SPCS2: variants seen among roughly 807,000 people sequenced by gnomAD.
SPCS2 encodes SPase 25 kDa subunit.
A neutral mutation model predicts 22.3 loss-of-function variants in SPCS2; 3 were observed. The observed-to-expected ratio is 0.13, with a 90% CI of 0.06 to 0.35. The LOEUF (loss-of-function observed/expected upper bound fraction) is 0.35, where lower values mean the gene tolerates loss of function less well. SPCS2 is among the 10% of genes least tolerant of loss of function. The pLI, the probability that SPCS2 is intolerant of heterozygous loss-of-function variation, is 1.00. For missense variants in SPCS2, 169 were observed against 280.9 expected (o/e 0.60, Z 2.85); for synonymous variants, 67 against 97.2 (o/e 0.69, Z 1.83).
chr11:74,952,489 T>C (rs1009616923), intron 1 of SPCS2, among the ~76,000 whole-genome samples: 1 of 152,178 alleles, frequency 6.6e-6, no homozygotes, highest in Admixed American at 6.5e-5. Context: ...ATTTTTATTT[T>C]TATTTTTGGT....
chr11:74,965,800 G>A lies in SPCS2; in HGVS notation c.236G>A (p.Gly79Asp). Residue 79 changes from glycine to aspartate, a missense_variant, in exon 3 of 5, where the codon GGT becomes GAT. Coordinates refer to ENST00000263672, the MANE Select transcript of SPCS2 (RefSeq NM_014752.3). ...AAATACAAATATGTGGAGAATTTTG[G>A]TCTAATTGATGGTCGCCTCACCATC... is the stretch of plus-strand genomic sequence containing the variant. ...LEKYKYVENF[G>D]LIDGRLTICT... The A allele has an allele frequency of 6.2e-7, 1 of 1,613,064 alleles. No individual in the cohort carries two copies. The highest frequency in any genetic ancestry group is 8.5e-7 in the Non-Finnish European group (1 of 1,179,360).
intron 4 of SPCS2, among the ~76,000 whole-genome samples, chr11:74,972,057 G>A (rs901667166): frequency 1.3e-5 from 2 of 151,754 alleles, no homozygotes; most frequent in Non-Finnish European, 2.9e-5. Context: ...TCTAAATTAG[G>A]TGGTCCTAGT....
At chr11:74,958,931 A>C (rs186834343) in intron 1 of SPCS2, among the ~76,000 whole-genome samples, 8 of 152,142 alleles carry the variant, frequency 5.3e-5, no homozygotes, top group South Asian at 4.2e-4. Context: ...TAAAAAAAAA[A>C]CGTAAATTTG....
At chr11:74,960,251 G>A (rs1948504292) in intron 1 of SPCS2, among the ~76,000 whole-genome samples, 1 of 152,250 alleles carries the variant, frequency 6.6e-6, no homozygotes, top group African/African-American at 2.4e-5. Flanking sequence ...AGAATTGCTT[G>A]AACCCAGGAG....
intron 1 of SPCS2, among the ~76,000 whole-genome samples, chr11:74,955,887 T>TATATATATATCTGC (rs1555115677): frequency 7.5e-6 from 1 of 132,798 alleles, no homozygotes; most frequent in Non-Finnish European, 1.6e-5. Context: ...TATATATATA[T>TATATATATATCTGC]CTGCCTGCCT....
intron 1 of SPCS2, among the ~76,000 whole-genome samples, chr11:74,964,687 T>C (rs1379642746): frequency 6.6e-6 from 1 of 152,238 alleles, no homozygotes; most frequent in Admixed American, 6.5e-5. Context: ...ACACTTACAG[T>C]CTGTGCAGCC....
In SPCS2 at chr11:74,965,782, A is replaced by T; in HGVS notation, c.218A>T (p.Lys73Ile). 1 of 1,612,846 alleles carries T rather than the reference A, an allele frequency of 6.2e-7. No homozygotes were observed. The highest frequency in any genetic ancestry group is 8.5e-7 in the Non-Finnish European group (1 of 1,179,172). Residue 73 changes from lysine to isoleucine, a missense_variant, in exon 3 of 5, where the codon AAA (lysine) becomes ATA (isoleucine). By Grantham distance (102) the Lys-to-Ile change is moderately radical. Around this residue, in one of 2 missense-constraint regions of SPCS2, gnomAD observed 118 missense variants for 243.1 expected, o/e 0.49. Transcript: ENST00000263672. The stretch of plus-strand genomic sequence containing the variant: ...CACCAGGTACTTCTGGAAAAATACA[A>T]ATATGTGGAGAATTTTGGTCTAATT... Reference protein sequence around the residue: ...SAKKVLLEKYKYVENFGLIDG... With the variant: ...SAKKVLLEKYIYVENFGLIDG...
intron 1 of SPCS2, among the ~76,000 whole-genome samples, chr11:74,952,565 C>G (rs557295476): frequency 3.9e-5 from 6 of 152,260 alleles, no homozygotes; most frequent in African/African-American, 1.2e-4. Context: ...GATCTGCCCA[C>G]CTCAGCCTCC....
chr11:74,960,761 G>C (rs1190952051), intron 1 of SPCS2, among the ~76,000 whole-genome samples: 1 of 152,086 alleles, frequency 6.6e-6, no homozygotes, highest in Non-Finnish European at 1.5e-5. Context: ...TGTAAAAGGA[G>C]GATTTTAACT....
At chr11:74,969,857 C>T (rs1479809547) in intron 4 of SPCS2, among the ~76,000 whole-genome samples, 158 bp downstream of exon 4, 1 of 152,164 alleles carries the variant, frequency 6.6e-6, no homozygotes, top group African/African-American at 2.4e-5. Flanking sequence ...GAAGGTTTGT[C>T]CTAGCCCTAT....
chr11:74,965,002 C>A, intron 1 of SPCS2, 32 bp from the exon 2 acceptor site: 1 of 1,489,306 alleles, frequency 6.7e-7, no homozygotes, highest in South Asian at 1.2e-5. Context: ...GGCCAGGTTT[C>A]TTGATGCACA....
At chr11:74,964,994 C>T (rs977266591) in intron 1 of SPCS2, 40 bp from the exon 2 acceptor site, 1 of 1,392,988 alleles carries the variant, frequency 7.2e-7, no homozygotes, top group Non-Finnish European at 9.9e-7. Flanking sequence ...CAGTAAGAGG[C>T]CAGGTTTCTT....
chr11:74,951,038 C>A (rs949697598), intron 1 of SPCS2, among the ~76,000 whole-genome samples: 1 of 152,192 alleles, frequency 6.6e-6, no homozygotes, highest in African/African-American at 2.4e-5. Context: ...GCACTTGGAT[C>A]ATCATCAGCA....
chr11:74,956,040 T>A (rs1482711395), intron 1 of SPCS2, among the ~76,000 whole-genome samples: 2 of 151,424 alleles, frequency 1.3e-5, no homozygotes, highest in African/African-American at 4.9e-5. Flanking sequence ...AAATACTTTC[T>A]TTACTTGGCT....
chr11:74,960,854 C>T (rs1948509660), intron 1 of SPCS2, among the ~76,000 whole-genome samples: 1 of 152,128 alleles, frequency 6.6e-6, no homozygotes, highest in African/African-American at 2.4e-5. Flanking sequence ...ACATGTTAGG[C>T]ATTCAGGAAA....
intron 1 of SPCS2, among the ~76,000 whole-genome samples, chr11:74,950,094 G>T (rs909170915): frequency 3.9e-5 from 6 of 152,014 alleles, no homozygotes; most frequent in Admixed American, 3.9e-4. Flanking sequence ...TAGCAACAAG[G>T]GTTTAAAAGA....
chr11:74,950,560 C>T (rs1948399628), intron 1 of SPCS2, among the ~76,000 whole-genome samples: 1 of 152,228 alleles, frequency 6.6e-6, no homozygotes, highest in African/African-American at 2.4e-5. Flanking sequence ...TTCTCACACT[C>T]TTCTCTTGTG....
chr11:74,950,374 T>C (rs1948383973), intron 1 of SPCS2, among the ~76,000 whole-genome samples: 1 of 152,172 alleles, frequency 6.6e-6, no homozygotes, highest in Non-Finnish European at 1.5e-5. Flanking sequence ...TTGTTAAGCA[T>C]GGTGTCTTTA....
chr11:74,976,333 T>C (rs1157369437), intron 4 of SPCS2, among the ~76,000 whole-genome samples: 1 of 152,200 alleles, frequency 6.6e-6, no homozygotes, highest in Non-Finnish European at 1.5e-5. Context: ...GTAATTTTGT[T>C]GATACCATAA....
Sources: gnomAD v4.1 joint callset for allele counts (sites outside exome capture counted in the v4.1 genomes callset) on GRCh38, gnomAD v4.1.1 for gene constraint, gnomAD v4.1.1 regional missense constraint, MANE v1.5 for transcripts, NCBI Gene and HGNC (gene_info 2026-07-23, HGNC 2026-07-21) for gene names.